Variants in P2RY14 observed in about 807,000 individuals in gnomAD.
The protein encoded by P2RY14 is purinergic receptor P2Y14.
Under a neutral mutation model 0.9 loss-of-function variants are expected in P2RY14, and 2 were observed. The observed-to-expected ratio is 2.16, with a 90% confidence interval of 0.88 to 6.79. The LOEUF (loss-of-function observed/expected upper bound fraction) is 6.79. Ranked by LOEUF, P2RY14 falls within the 30% of genes most tolerant of loss-of-function variation. The pLI, the probability that P2RY14 is intolerant of heterozygous loss-of-function variation, is 0.05. For synonymous variants in P2RY14, 158 were observed against 147.2 expected, an observed-to-expected ratio of 1.07 and a Z score of -0.53; for missense variants, 378 against 400.1, an observed-to-expected ratio of 0.94 and a Z score of 0.47.
At position 151,278,286 on chromosome 3, in the gene P2RY14, C is replaced by A. The variant is rs1742234127; in HGVS notation, c.-133+1G>T. On this transcript the variant is annotated splice_donor_variant, in intron 1 of 2. Transcript: ENST00000309170. LOFTEE classifies it low-confidence loss of function (5UTR_SPLICE). The stretch of plus-strand genomic sequence containing the variant: ...ATTTCATGGAAAAGCTGTTTTCTTA[C>A]CTGCGTCTAGGCCTTCATCTGTGAG... 2.0e-5 allele frequency: 3 copies of A among 152,140 alleles called. No homozygotes were observed. The highest frequency in any genetic ancestry group is 2.0e-4 in the Admixed American group (3 of 15,278). 9.4% of individuals were successfully genotyped at this position (152,140 alleles called of 1,614,324 possible).
intron 1 of P2RY14, among the ~76,000 whole-genome samples, chr3:151,232,608 TA>T (rs553658835): frequency 5.9e-5 from 9 of 152,120 alleles, no homozygotes; most frequent in East Asian, 1.9e-4. Flanking sequence ...TATGCAGCCA[TA>T]AAAAAAGAAT....
chr3:151,265,638 C>T (rs766192519), intron 1 of P2RY14, among the ~76,000 whole-genome samples: 18 of 152,084 alleles, frequency 1.2e-4, no homozygotes, highest in South Asian at 2.1e-4. Flanking sequence ...CCTTTTTATA[C>T]GGAGGAATCT....
intron 1 of P2RY14, chr3:151,269,856 A>G: frequency 2.2e-6 from 1 of 455,492 alleles, no homozygotes; most frequent in Non-Finnish European, 4.3e-6. Flanking sequence ...GTCAGCAGGA[A>G]GAGGCAGCAC....
At chr3:151,219,045 ATAAT>A (rs1445485990) in intron 2 of P2RY14, among the ~76,000 whole-genome samples, 2 of 152,186 alleles carry the variant, frequency 1.3e-5, no homozygotes, top group Non-Finnish European at 2.9e-5. Context: ...CTTTGGTAAC[ATAAT>A]TAAAGAACAT....
At chr3:151,237,249 A>G (rs895587751) in intron 1 of P2RY14, among the ~76,000 whole-genome samples, 3 of 150,850 alleles carry the variant, frequency 2.0e-5, no homozygotes, top group African/African-American at 7.3e-5. Flanking sequence ...TGTGTTGGCC[A>G]GGCTGGTCTT....
chr3:151,247,869 T>C (rs921635771), intron 1 of P2RY14, among the ~76,000 whole-genome samples: 1 of 151,894 alleles, frequency 6.6e-6, no homozygotes, highest in Non-Finnish European at 1.5e-5. Context: ...AAGCTCTGCC[T>C]TCCCTTAGTT....
chr3:151,268,254 T>TAC (rs1491343390), intron 1 of P2RY14, among the ~76,000 whole-genome samples: 2 of 66,408 alleles, frequency 3.0e-5, no homozygotes, highest in South Asian at 7.3e-4. Flanking sequence ...ATTTATTACT[T>TAC]ATATATATAT....
At chr3:151,217,885 G>C (rs1243962760) in intron 2 of P2RY14, among the ~76,000 whole-genome samples, 1 of 152,160 alleles carries the variant, frequency 6.6e-6, no homozygotes, top group East Asian at 1.9e-4. Flanking sequence ...GATCAGAGCA[G>C]TAATAGACTG....
rs529762750 is a variant in P2RY14, at chr3:151,214,022, C to T, written c.295G>A (p.Val99Met). The change falls in exon 3 of 3, where the codon GTG becomes ATG. Residue 99 changes from valine (V) to methionine (M), a missense_variant. Val to Met is a conservative substitution (Grantham distance 21). Coordinates refer to ENST00000309170, the MANE Select transcript of P2RY14 (RefSeq NM_014879.4). Reference sequence around the variant, plus strand: ...ACGTACATGTTGACGTAGAAGAGCACGGCAGAGACCCTGCACACAAACACG... The same window carrying T: ...ACGTACATGTTGACGTAGAAGAGCATGGCAGAGACCCTGCACACAAACACG... The part of the protein sequence containing the change: ...LNVFVCRVSA[V>M]LFYVNMYVSI... 1.6e-5 allele frequency: 26 copies of T among 1,614,082 alleles called. No homozygotes were observed. The Admixed American group carries it at 2.0e-4, about 12-fold the overall frequency.
At chr3:151,247,959 CTTCTTTTTTTTTTTTTT>C (rs907684467) in intron 1 of P2RY14, among the ~76,000 whole-genome samples, 9 of 65,456 alleles carry the variant, frequency 1.4e-4, no homozygotes, top group Middle Eastern at 7.2e-3. Flanking sequence ...TCTTCTTCTT[CTTCTTTTTTTTTTTTTT>C]TTTTTTTTTG....
intron 1 of P2RY14, among the ~76,000 whole-genome samples, chr3:151,261,691 T>TGTTTTGTTTC (rs1738922452): frequency 7.0e-5 from 3 of 43,094 alleles, no homozygotes; most frequent in African/African-American, 2.4e-4. Flanking sequence ...CGTGGTGTTT[T>TGTTTTGTTTC]GTTTTGTTTT....
intron 1 of P2RY14, among the ~76,000 whole-genome samples, chr3:151,243,267 G>A (rs1233727476): frequency 4.0e-5 from 6 of 151,648 alleles, no homozygotes; most frequent in East Asian, 3.9e-4. Context: ...TACAGAGAAC[G>A]CCACAAAGAT....
At chr3:151,235,250 A>G (rs1021234513) in intron 1 of P2RY14, among the ~76,000 whole-genome samples, 7 of 152,184 alleles carry the variant, frequency 4.6e-5, no homozygotes, top group Non-Finnish European at 7.3e-5. Flanking sequence ...CAGTCTCATT[A>G]AATTGTGAAA....
intron 1 of P2RY14, among the ~76,000 whole-genome samples, chr3:151,276,863 T>G (rs920822430): frequency 1.1e-4 from 16 of 152,136 alleles, no homozygotes; most frequent in Non-Finnish European, 2.9e-5. Flanking sequence ...TTTGAGTACC[T>G]TGGAATCTCC....
chr3:151,275,435 G>A (rs1741691996), intron 1 of P2RY14, among the ~76,000 whole-genome samples: 1 of 152,024 alleles, frequency 6.6e-6, no homozygotes, highest in South Asian at 2.1e-4. Context: ...AACAACAGAT[G>A]GGAGGTTTCA....
chr3:151,238,541 G>C (rs1298312983), intron 1 of P2RY14, among the ~76,000 whole-genome samples: 2 of 152,176 alleles, frequency 1.3e-5, no homozygotes, highest in Non-Finnish European at 2.9e-5. Flanking sequence ...CTTTATAAGA[G>C]TACTAAGATG....
chr3:151,273,637 T>C (rs981429838), intron 1 of P2RY14, among the ~76,000 whole-genome samples: 12 of 152,268 alleles, frequency 7.9e-5, no homozygotes, highest in Middle Eastern at 3.4e-3. Flanking sequence ...CATAGAGTTG[T>C]TAAGTGACTT....
intron 2 of P2RY14, among the ~76,000 whole-genome samples, chr3:151,215,768 C>T (rs965751384): frequency 6.6e-6 from 1 of 152,188 alleles, no homozygotes; most frequent in Non-Finnish European, 1.5e-5. Flanking sequence ...GGAGAATGCC[C>T]TAAGTCTGTA....
chr3:151,232,309 A>G (rs1474829571), intron 1 of P2RY14, among the ~76,000 whole-genome samples: 1 of 152,156 alleles, frequency 6.6e-6, no homozygotes, highest in South Asian at 2.1e-4. Context: ...CCTCCCACCA[A>G]TGTGTGGAAG....
Sources: gnomAD v4.1 joint callset for allele counts (sites outside exome capture counted in the v4.1 genomes callset) on GRCh38, gnomAD v4.1.1 for gene constraint, MANE v1.5 for transcripts, NCBI Gene and HGNC (gene_info 2026-07-23, HGNC 2026-07-21) for gene names.